Variants in MRPL45 observed in about 807,000 individuals in gnomAD.
MRPL45 encodes mitochondrial ribosomal protein L45.
In MRPL45, 20 loss-of-function variants were observed where a neutral mutation model predicts 38.1. The observed-to-expected ratio is 0.53, with a 90% CI of 0.37 to 0.76. The LOEUF (loss-of-function observed/expected upper bound fraction) is 0.76, where lower values mean the gene tolerates loss of function less well. Ranked by LOEUF, MRPL45 falls within the 30% of genes least tolerant of loss-of-function variation. MRPL45 has a pLI of 0.00. For synonymous variants in MRPL45, 105 were observed against 128.8 expected, an observed-to-expected ratio of 0.82 and a Z score of 1.25; for missense variants, 337 against 395.6, an observed-to-expected ratio of 0.85 and a Z score of 1.26.
chr17:38,312,595 G>A (rs1299137564), intron 4 of MRPL45, among the ~76,000 whole-genome samples: 1 of 152,054 alleles, frequency 6.6e-6, no homozygotes, highest in Non-Finnish European at 1.5e-5. Context: ...AGGTCTGGGT[G>A]GTGGCTCATA....
At chr17:38,301,951 A>G (rs1284057510) in intron 3 of MRPL45, among the ~76,000 whole-genome samples, 1 of 151,798 alleles carries the variant, frequency 6.6e-6, no homozygotes, top group Non-Finnish European at 1.5e-5. Context: ...CCCCGTCTCT[A>G]CTAAAAATAC....
At position 38,322,752 on chromosome 17, in the gene MRPL45, G is replaced by A; in HGVS notation, c.*157G>A. The A allele has an allele frequency of 1.6e-6, 1 of 609,250 alleles. No individual in the cohort carries two copies. Among genetic ancestry groups the A allele is most frequent in the South Asian group, 2.1e-5 (1 of 47,794 alleles). 37.7% of individuals were successfully genotyped at this position (609,250 alleles called of 1,614,324 possible). ...CTCATCATCAGCAACCATGACTGAT[G>A]ACTGGGCCCTAGCAGGTGGCAGGTA... On this transcript the variant is annotated 3_prime_UTR_variant, in exon 8 of 8. Transcript: ENST00000613675.
At chr17:38,304,899 TGC>T (rs1397362847) in intron 3 of MRPL45, among the ~76,000 whole-genome samples, 2 of 146,750 alleles carry the variant, frequency 1.4e-5, no homozygotes, top group Non-Finnish European at 3.0e-5. Flanking sequence ...CAGGCTGGAG[TGC>T]AGTGGCAGGA....
chr17:38,322,030 TC>T, intron 6 of MRPL45, 95 bp from the exon 7 acceptor site: 4 of 1,151,654 alleles, frequency 3.5e-6, no homozygotes, highest in Non-Finnish European at 4.9e-6. Context: ...AGACTCTGTC[TC>T]AAAAAAAAAA....
intron 3 of MRPL45, among the ~76,000 whole-genome samples, chr17:38,301,710 A>AT (rs1206469648): frequency 6.6e-6 from 1 of 152,232 alleles, no homozygotes; most frequent in African/African-American, 2.4e-5. Flanking sequence ...AACAAAGCAC[A>AT]TACGGTTTTA....
chr17:38,308,930 CAG>C (rs2037080827), intron 4 of MRPL45, among the ~76,000 whole-genome samples: 1 of 149,072 alleles, frequency 6.7e-6, no homozygotes, highest in Non-Finnish European at 1.5e-5. Flanking sequence ...TTTTTTGAGA[CAG>C]AGTCTCGCTC....
At chr17:38,316,244 C>T (rs1250219888) in intron 4 of MRPL45, among the ~76,000 whole-genome samples, 1 of 151,572 alleles carries the variant, frequency 6.6e-6, no homozygotes, top group East Asian at 1.9e-4. Flanking sequence ...TTTTAATTAC[C>T]TTATCCTCAA....
At chr17:38,297,531 G>C (rs1343003873) in intron 1 of MRPL45, among the ~76,000 whole-genome samples, 1 of 152,120 alleles carries the variant, frequency 6.6e-6, no homozygotes, top group African/African-American at 2.4e-5. Flanking sequence ...ACAAGTAATG[G>C]GTTGGAAGGT....
chr17:38,313,772 C>T (rs1489265703), intron 4 of MRPL45, among the ~76,000 whole-genome samples: 2 of 151,492 alleles, frequency 1.3e-5, no homozygotes, highest in African/African-American at 4.9e-5. Flanking sequence ...AAGCGATTCT[C>T]CTGCCTCAGC....
chr17:38,301,947 C>T (rs1251248511), intron 3 of MRPL45, among the ~76,000 whole-genome samples: 1 of 151,752 alleles, frequency 6.6e-6, no homozygotes, highest in African/African-American at 2.4e-5. Flanking sequence ...GAAACCCCGT[C>T]TCTACTAAAA....
Position 38,322,539 on chromosome 17 carries a change from C to G in MRPL45, c.865C>G (p.Pro289Ala). 1 of 1,613,582 alleles carries G rather than the reference C, an allele frequency of 6.2e-7. No individual in the cohort carries two copies. The highest frequency in any genetic ancestry group is 1.1e-5 in the South Asian group (1 of 90,974). ...GATGATCCCTGGCCCTCAGCTGAAA[C>G]CAGAAGAAGAATATGAAGAGGCACA... ...TVMIPGPQLK[P>A]EEEYEEAQGE... The change falls in exon 8 of 8, where the codon CCA becomes GCA. Residue 289 changes from proline to alanine, a missense_variant. This residue lies in a region of MRPL45 where 251 missense variants were observed against 269.1 expected (regional missense o/e 0.93). Coordinates refer to ENST00000613675, the MANE Select transcript of MRPL45 (RefSeq NM_032351.6).
At chr17:38,307,324 C>T (rs1345899660) in intron 4 of MRPL45, among the ~76,000 whole-genome samples, 3 of 151,690 alleles carry the variant, frequency 2.0e-5, no homozygotes, top group Non-Finnish European at 4.4e-5. Flanking sequence ...GCATGAGCCA[C>T]CACGCCCGGC....
chr17:38,305,408 A>G (rs1257989674), intron 3 of MRPL45, among the ~76,000 whole-genome samples: 1 of 142,978 alleles, frequency 7.0e-6, no homozygotes. Flanking sequence ...CAGAGGTTGC[A>G]GTGAGCCGAG....
At chr17:38,315,048 C>G (rs552815234) in intron 4 of MRPL45, among the ~76,000 whole-genome samples, 11 of 152,294 alleles carry the variant, frequency 7.2e-5, no homozygotes, top group African/African-American at 2.6e-4. Flanking sequence ...TTGTTTTATG[C>G]ATTTGCCTTT....
At chr17:38,310,714 C>T (rs952894023) in intron 4 of MRPL45, among the ~76,000 whole-genome samples, 5 of 152,106 alleles carry the variant, frequency 3.3e-5, no homozygotes, top group African/African-American at 9.7e-5. Flanking sequence ...CTGCCTTGAC[C>T]TCCCAAGCTC....
chr17:38,313,333 C>CATATAT (rs1555562014), intron 4 of MRPL45, among the ~76,000 whole-genome samples: 2 of 17,266 alleles, frequency 1.2e-4, no homozygotes, highest in African/African-American at 4.5e-4. Flanking sequence ...TATATATATA[C>CATATAT]ATATATATAT....
At chr17:38,316,536 G>C (rs1278360175) in intron 4 of MRPL45, among the ~76,000 whole-genome samples, 1 of 151,898 alleles carries the variant, frequency 6.6e-6, no homozygotes, top group East Asian at 1.9e-4. Context: ...TTGGTCAGGT[G>C]TGGTGGCTCA....
chr17:38,301,645 G>A (rs2036996974), intron 3 of MRPL45, among the ~76,000 whole-genome samples: 1 of 152,194 alleles, frequency 6.6e-6, no homozygotes, highest in African/African-American at 2.4e-5. Context: ...GTACTGCAAT[G>A]TTTCCTCTCA....
chr17:38,321,138 G>A (rs920742566), intron 6 of MRPL45, among the ~76,000 whole-genome samples: 10 of 151,966 alleles, frequency 6.6e-5, no homozygotes, highest in African/African-American at 2.4e-4. Context: ...ACCATGCCTG[G>A]CTAATTTTAG....
Sources: allele counts gnomAD v4.1 joint callset (sites outside exome capture counted in the v4.1 genomes callset), GRCh38; gene constraint gnomAD v4.1.1; regional missense constraint gnomAD v4.1.1; transcripts MANE v1.5; gene names NCBI Gene and HGNC (gene_info 2026-07-23, HGNC 2026-07-21).